Variants in SYBU observed in about 807,000 individuals in gnomAD.
SYBU encodes GOLSYN A protein.
SYBU carries 21 observed loss-of-function variants against 35.9 expected under a neutral mutation model. The observed-to-expected ratio is 0.58, with a 90% confidence interval of 0.41 to 0.84. The LOEUF (loss-of-function observed/expected upper bound fraction) is 0.84. Among genes scored for constraint, SYBU ranks in the 40% least tolerant of loss-of-function variants. The pLI is 0.00. For synonymous variants in SYBU, 319 were observed against 324.3 expected, an observed-to-expected ratio of 0.98 and a Z score of 0.18; for missense variants, 768 against 848.2, an observed-to-expected ratio of 0.91 and a Z score of 1.17.
upstream of SYBU, chr8:109,644,969 G>A (rs945568157): frequency 2.1e-6 from 1 of 481,628 alleles, no homozygotes; most frequent in Non-Finnish European, 3.8e-6. Flanking sequence ...CCACCCGCCC[G>A]ATTTCCCCAC....
chr8:109,650,970 C>T lies in SYBU; in HGVS notation c.-129+29741G>A, dbSNP rs192161930. On this transcript the variant is annotated intron_variant, in intron 1 of 5. Transcript: ENST00000408889. ...CAGGCTTATCTACTGTGCATCAAAA[C>T]CAGCATGTTAAAATAAGAATGAAAT... Among the ~76,000 whole-genome samples, 241 of 152,260 alleles carry T rather than the reference C, an allele frequency of 1.6e-3. 1 individual carries two copies. The highest frequency in any genetic ancestry group is 5.2e-3 in the African/African-American group (214 of 41,540).
At chr8:109,641,832 A>G (rs1286110485) in intron 2 of SYBU, among the ~76,000 whole-genome samples, 4 of 152,264 alleles carry the variant, frequency 2.6e-5, no homozygotes, top group Admixed American at 6.5e-5. Flanking sequence ...GTGGAGAAAT[A>G]GGAACGTTTT....
In SYBU at chr8:109,644,756, G is replaced by A; in HGVS notation, c.-97C>T. 1 of 1,202,108 alleles carries A rather than the reference G, an allele frequency of 8.3e-7. No individual in the cohort carries two copies. The highest frequency in any genetic ancestry group is 4.2e-5 in the Admixed American group (1 of 23,812). The allele number at this position is 1,202,108 out of a possible 1,614,324, so 74.5% of individuals were successfully genotyped here. A position where few individuals can be genotyped will look rare whatever the true frequency, so the allele number is the denominator to read the frequency against. On this transcript the variant is annotated 5_prime_UTR_variant, in exon 1 of 7. Transcript: ENST00000276646. Reference sequence around the variant, plus strand: ...CGAGGAGACTGCGCTGAGCCGGCGCGGGCTGCGGGCGGCGGCTCTTGGTGA... The same window carrying A: ...CGAGGAGACTGCGCTGAGCCGGCGCAGGCTGCGGGCGGCGGCTCTTGGTGA...
At chr8:109,619,184 T>G in intron 2 of SYBU, 145 bp from the exon 3 acceptor site, 1 of 626,026 alleles carries the variant, frequency 1.6e-6, no homozygotes, top group Non-Finnish European at 2.8e-6. Context: ...CTGTGGACTC[T>G]CCTCTCATGA....
chr8:109,644,870 C>G (rs2130674309), upstream of SYBU: 4 of 560,826 alleles, frequency 7.1e-6, no homozygotes, highest in South Asian at 4.5e-5. Context: ...CACGTGGTGC[C>G]GCACTCGCTA....
At chr8:109,647,900 T>C (rs763480540), upstream of SYBU, 11 of 152,348 alleles carry the variant, frequency 7.2e-5, no homozygotes, top group Non-Finnish European at 1.3e-4. Flanking sequence ...TCTGTACTTT[T>C]GGAACCCAAG....
At chr8:109,669,839 T>C (rs1042780985) in intron 1 of SYBU, among the ~76,000 whole-genome samples, 4 of 152,254 alleles carry the variant, frequency 2.6e-5, no homozygotes, top group African/African-American at 9.6e-5. Context: ...CCTAGCTACC[T>C]ATGTAAAATA....
chr8:109,649,051 A>G (rs1390653109), upstream of SYBU: 1 of 114,536 alleles, frequency 8.7e-6, no homozygotes, highest in African/African-American at 3.5e-5. Flanking sequence ...GCCAGGCTGG[A>G]GTGCAGTGTG....
chr8:109,596,055 A>G (rs1824839632), intron 3 of SYBU, among the ~76,000 whole-genome samples: 1 of 152,192 alleles, frequency 6.6e-6, no homozygotes, highest in Non-Finnish European at 1.5e-5. Context: ...GACAACCCTT[A>G]ATGGTCTACT....
At chr8:109,635,363 G>T (rs758632425) in intron 2 of SYBU, among the ~76,000 whole-genome samples, 1 of 152,140 alleles carries the variant, frequency 6.6e-6, no homozygotes, top group Non-Finnish European at 1.5e-5. Context: ...ATTCCTGAAT[G>T]CTCATTCTCA....
chr8:109,653,889 G>A lies in SYBU; in HGVS notation c.-129+26822C>T, dbSNP rs186255262. Among the ~76,000 whole-genome samples, 163 of 151,972 alleles carry A rather than the reference G, an allele frequency of 1.1e-3. 1 individual carries two copies. In the South Asian group the frequency reaches 0.03, roughly 28 times the overall value. Reference sequence around the variant, plus strand: ...GTTTCTTCCTATACAAGAAAAATTCGTTTACCTGAACTCTGGATCCCATTC... The same window carrying A: ...GTTTCTTCCTATACAAGAAAAATTCATTTACCTGAACTCTGGATCCCATTC... On this transcript the variant is annotated intron_variant, in intron 1 of 5. Coordinates refer to the SYBU transcript ENST00000408889.
intron 1 of SYBU, among the ~76,000 whole-genome samples, chr8:109,656,131 T>C (rs553654979): frequency 9.3e-5 from 14 of 150,744 alleles, no homozygotes; most frequent in Non-Finnish European, 1.9e-4. Flanking sequence ...AAAAAAAAAT[T>C]ACACACCATC....
chr8:109,610,196 T>C (rs2130219272), intron 3 of SYBU, among the ~76,000 whole-genome samples: 1 of 152,252 alleles, frequency 6.6e-6, no homozygotes, highest in African/African-American at 2.4e-5. Flanking sequence ...TCCAGTTACC[T>C]TGTTTTACTT....
chr8:109,611,815 G>C (rs964837592), intron 3 of SYBU, among the ~76,000 whole-genome samples: 1 of 152,056 alleles, frequency 6.6e-6, no homozygotes, highest in Admixed American at 6.6e-5. Context: ...CATCCAAATG[G>C]CCTTGTATGT....
chr8:109,601,490 G>C (rs1825511989), intron 3 of SYBU, among the ~76,000 whole-genome samples: 1 of 152,184 alleles, frequency 6.6e-6, no homozygotes, highest in South Asian at 2.1e-4. Context: ...GGAGGAGTTA[G>C]ACTATACAGA....
chr8:109,576,818 T>C (rs1017455954), intron 6 of SYBU, among the ~76,000 whole-genome samples: 2 of 152,192 alleles, frequency 1.3e-5, no homozygotes, highest in Non-Finnish European at 2.9e-5. Context: ...TCAGTGGATA[T>C]GAAGATAGGG....
intron 2 of SYBU, among the ~76,000 whole-genome samples, chr8:109,620,987 T>C (rs78670597): frequency 0.024 from 3,591 of 152,312 alleles, 138 homozygotes; most frequent in African/African-American, 0.081. Context: ...GAATGAAATC[T>C]AATCATTCAA....
At chr8:109,593,312 G>A (rs1824499168) in intron 3 of SYBU, among the ~76,000 whole-genome samples, 1 of 152,214 alleles carries the variant, frequency 6.6e-6, no homozygotes, top group South Asian at 2.1e-4. Context: ...AATGAAGACA[G>A]ACAGGCCAGC....
At chr8:109,649,291 C>T (rs117884724), upstream of SYBU, among the ~76,000 whole-genome samples, 14 of 152,052 alleles carry the variant, frequency 9.2e-5, no homozygotes, top group East Asian at 1.7e-3. Context: ...CATTAGCCAC[C>T]GTGCCCAGCC....
Sources: gnomAD v4.1 joint callset for allele counts (sites outside exome capture counted in the v4.1 genomes callset) on GRCh38, gnomAD v4.1.1 for gene constraint, MANE v1.5 for transcripts, NCBI Gene and HGNC (gene_info 2026-07-23, HGNC 2026-07-21) for gene names.